The following DNAJC4 variants were observed in gnomAD, a reference collection of about 807,000 sequenced individuals.
The protein encoded by DNAJC4 is dnaJ homolog subfamily C member 4.
In DNAJC4, 26 loss-of-function variants were observed where a neutral mutation model predicts 26.8. That is an observed-to-expected ratio of 0.97 (90% CI 0.71 to 1.34). The LOEUF (loss-of-function observed/expected upper bound fraction) is 1.34, where lower values mean the gene tolerates loss of function less well. Among genes scored for constraint, DNAJC4 ranks in the 40% most tolerant of loss-of-function variants. The pLI is 0.00. For synonymous variants in DNAJC4, 134 were observed against 127.8 expected, an observed-to-expected ratio of 1.05 and a Z score of -0.33; for missense variants, 342 against 321.1, an observed-to-expected ratio of 1.07 and a Z score of -0.50.
Position 64,232,608 on chromosome 11 carries a change from C to A in DNAJC4, c.359C>A (p.Thr120Lys). ...GTCCATGACAAGTCTGCCCACCAAA[C>A]ACACAGGTACAGTAATCCTGCCCTC... ...TTVHDKSAHQ[T>K]HSSWTPPNAQ... is the part of the protein sequence containing the mutation. Residue 120 changes from threonine to lysine, a missense_variant, in exon 3 of 6, where the codon ACA (threonine) becomes AAA (lysine). By Grantham distance (78) the Thr-to-Lys change is moderately conservative (BLOSUM62 -1). Coordinates refer to ENST00000628077, the MANE Select transcript of DNAJC4 (RefSeq NM_005528.4). The A allele has an allele frequency of 6.3e-7, 1 of 1,593,728 alleles. No homozygotes were observed. The highest frequency in any genetic ancestry group is 8.6e-7 in the Non-Finnish European group (1 of 1,164,742).
rs1468639567 is a variant in DNAJC4, at chr11:64,231,852, T to C, written c.87-19T>C. On this transcript the variant is annotated intron_variant, in intron 1 of 5. Coordinates refer to ENST00000628077, the MANE Select transcript of DNAJC4 (RefSeq NM_005528.4). ...CTGGGTTCCTTCAGCCCCTGCAAGG[T>C]TTGGGACTCTGTCCACAGGTCCAGA... 1 of 1,613,434 alleles carries C rather than the reference T, an allele frequency of 6.2e-7. No homozygotes were observed.
Position 64,232,427 on chromosome 11 carries a change from C to A in DNAJC4, c.181-3C>A. 1.3e-6 allele frequency: 2 copies of A among 1,575,046 alleles called. No individual in the cohort carries two copies. The highest frequency in any genetic ancestry group is 1.7e-6 in the Non-Finnish European group (2 of 1,157,446). On this transcript the variant is annotated splice_region_variant and splice_polypyrimidine_tract_variant and intron_variant, in intron 2 of 5. Coordinates refer to ENST00000628077, the MANE Select transcript of DNAJC4 (RefSeq NM_005528.4). Reference sequence around the variant, plus strand: ...AGATAAGGGGAGTCCTGCCCCACCCCAGCTGCACCCAGACCGGGACCCTGG... The same window carrying A: ...AGATAAGGGGAGTCCTGCCCCACCCAAGCTGCACCCAGACCGGGACCCTGG...
chr11:64,230,562 T>G lies in DNAJC4; in HGVS notation c.-293T>G, dbSNP rs1213198810. 2 of 593,922 alleles carry G rather than the reference T, an allele frequency of 3.4e-6. No homozygotes were observed. The highest frequency in any genetic ancestry group is 3.2e-5 in the East Asian group (1 of 31,304). 36.8% of individuals were successfully genotyped at this position (593,922 alleles called of 1,614,324 possible). ...CTGGTTGTGGCCCCTCCTTCTCCCGTCCCCAAGTTCCCTGGGTGGGAACGG... is the reference window on the plus strand; with the variant it reads ...CTGGTTGTGGCCCCTCCTTCTCCCGGCCCCAAGTTCCCTGGGTGGGAACGG... On this transcript the variant is annotated 5_prime_UTR_variant, in exon 1 of 6. Coordinates refer to ENST00000628077, the MANE Select transcript of DNAJC4 (RefSeq NM_005528.4).
intron 4 of DNAJC4, 115 bp downstream of exon 4, chr11:64,232,980 C>A: frequency 1.6e-6 from 2 of 1,261,866 alleles, no homozygotes; most frequent in Non-Finnish European, 2.1e-6. Context: ...GTCTCTCAAG[C>A]TAAGAGCTGC....
chr11:64,233,810 A>G, intron 4 of DNAJC4, 84 bp from the exon 5 acceptor site: 1 of 1,536,948 alleles, frequency 6.5e-7, no homozygotes, highest in South Asian at 1.2e-5. Context: ...AAAAGCTGTG[A>G]GGCCCCTAGA....
In DNAJC4 at chr11:64,232,806, G is replaced by A. The variant is rs528015044; in HGVS notation, c.468G>A (p.Val156=). 6.8e-6 allele frequency: 11 copies of A among 1,613,242 alleles called. No homozygotes were observed. Among genetic ancestry groups the A allele is most frequent in the Non-Finnish European group, 9.3e-6 (11 of 1,179,630 alleles). The change falls in exon 4 of 6, where the codon GTG becomes GTA. Residue 156 remains valine, a synonymous_variant. Coordinates refer to ENST00000628077, the MANE Select transcript of DNAJC4 (RefSeq NM_005528.4). ...AGCAACACAAACAAAACAAACAAGTGCTGGGGTACTGCCTCCTCCTCATGC... is the reference window on the plus strand; with the variant it reads ...AGCAACACAAACAAAACAAACAAGTACTGGGGTACTGCCTCCTCCTCATGC... ...RQQQHKQNKQ[V]LGYCLLLMLA...
chr11:64,230,763 C>T lies in DNAJC4; in HGVS notation c.-92C>T, dbSNP rs1443533782. Reference sequence around the variant, plus strand: ...CCTTTGCAGAACAACGGGCCAGGCCCCTTCCCTCTGCCCCCGGGTGCTTGA... The same window carrying T: ...CCTTTGCAGAACAACGGGCCAGGCCTCTTCCCTCTGCCCCCGGGTGCTTGA... On this transcript the variant is annotated 5_prime_UTR_variant, in exon 1 of 6. Coordinates refer to ENST00000628077, the MANE Select transcript of DNAJC4 (RefSeq NM_005528.4). 4.0e-6 allele frequency: 6 copies of T among 1,498,758 alleles called. No individual in the cohort carries two copies. The highest frequency in any genetic ancestry group is 5.4e-6 in the Non-Finnish European group (6 of 1,108,950). 92.8% of individuals were successfully genotyped at this position (1,498,758 alleles called of 1,614,324 possible). A position where few individuals can be genotyped will look rare whatever the true frequency, so the allele number is the denominator to read the frequency against.
At chr11:64,233,824 G>T in intron 4 of DNAJC4, 70 bp from the exon 5 acceptor site, 2 of 1,574,808 alleles carry the variant, frequency 1.3e-6, no homozygotes, top group Non-Finnish European at 1.7e-6. Context: ...CCCTAGAGTG[G>T]GGTGGAAGGG....
chr11:64,234,047 AACC>A lies in DNAJC4; in HGVS notation c.615-22_615-20del, dbSNP rs1395619555. The A allele has an allele frequency of 3.7e-6, 6 of 1,613,612 alleles. No individual in the cohort carries two copies. Among genetic ancestry groups the A allele is most frequent in the Non-Finnish European group, 5.1e-6 (6 of 1,179,946 alleles). On this transcript the variant is annotated intron_variant, in intron 5 of 5. Coordinates refer to ENST00000628077, the MANE Select transcript of DNAJC4 (RefSeq NM_005528.4). This position sits in a 1 kb window ranked among gnomAD's most constrained non-coding sequence, Gnocchi z 5.3. ...AACCACACTTCGGGATCCCTATCCC[AACC>A]ACCCAGGTGCCCTCTCCTCCAGGGC...
rs939902489 is a variant in DNAJC4 at position 64,234,187 on chromosome 11, G to T, written c.*3G>T. 1.9e-6 allele frequency: 3 copies of T among 1,553,000 alleles called. No individual in the cohort carries two copies. The Admixed American group carries it at 5.8e-5, about 30-fold the overall frequency. On this transcript the variant is annotated 3_prime_UTR_variant, in exon 6 of 6. Transcript: ENST00000628077. The surrounding 1 kb of genome is among the most constrained non-coding windows in gnomAD (Gnocchi z 5.3). Reference sequence around the variant, plus strand: ...TGCCCCGGGGCGCCGGCCCCTGAGGGGCTCACCTGGATGGGGCCTGCAGTG... The same window carrying T: ...TGCCCCGGGGCGCCGGCCCCTGAGGTGCTCACCTGGATGGGGCCTGCAGTG...
At chr11:64,231,317 A>G in intron 1 of DNAJC4, 3 of 270,232 alleles carry the variant, frequency 1.1e-5, no homozygotes, top group Non-Finnish European at 2.1e-5. Context: ...GGTGGGGGTC[A>G]GGAATCAGTT....
Position 64,234,107 on chromosome 11 carries a change from C to CGGCTAG in DNAJC4, c.653_658dup (p.Leu218_Gly219dup). 2 of 1,607,444 alleles carry CGGCTAG rather than the reference C, an allele frequency of 1.2e-6. No homozygotes were observed. The highest frequency in any genetic ancestry group is 1.7e-6 in the Non-Finnish European group (2 of 1,178,192). On this transcript the variant is annotated inframe_insertion, in exon 6 of 6. Coordinates refer to ENST00000628077, the MANE Select transcript of DNAJC4 (RefSeq NM_005528.4). This position sits in a 1 kb window ranked among gnomAD's most constrained non-coding sequence, Gnocchi z 5.3. ...AGGCATCCTTCAGCAGGAGCGACAA[C>CGGCTAG]GGCTAGGGCAGCGGCAGCCGCCACC...
At position 64,230,630 on chromosome 11, in the gene DNAJC4, C is replaced by T; in HGVS notation, c.-225C>T. ...CTGGGTGGCCAGACCCCGAAGCCAG[C>T]GCTGGGAAGGGCTGCGGATGCCCGG... On this transcript the variant is annotated 5_prime_UTR_variant, in exon 1 of 6. Coordinates refer to ENST00000628077, the MANE Select transcript of DNAJC4 (RefSeq NM_005528.4). 1 of 654,856 alleles carries T rather than the reference C, an allele frequency of 1.5e-6. No individual in the cohort carries two copies. Among genetic ancestry groups the T allele is most frequent in the Non-Finnish European group, 2.6e-6 (1 of 378,202 alleles). 40.6% of individuals were successfully genotyped at this position (654,856 alleles called of 1,614,324 possible).
chr11:64,233,737 C>G, intron 4 of DNAJC4, 157 bp from the exon 5 acceptor site: 2 of 1,025,278 alleles, frequency 2.0e-6, no homozygotes, highest in South Asian at 1.6e-5. Context: ...CAGGGCCACT[C>G]TGAGCCCTCC....
intron 1 of DNAJC4, 130 bp downstream of exon 1, chr11:64,231,070 C>A: frequency 8.3e-7 from 1 of 1,198,960 alleles, no homozygotes; most frequent in Non-Finnish European, 1.2e-6. Context: ...CTCGCCTTCC[C>A]TGCTGAGGAT....
intron 2 of DNAJC4, 125 bp downstream of exon 2, chr11:64,232,089 G>C: frequency 1.0e-6 from 1 of 965,010 alleles, no homozygotes; most frequent in South Asian, 1.4e-5. Context: ...CTCATAGGGA[G>C]TGGCAGGTGC....
Position 64,230,902 on chromosome 11 carries a change from C to A in DNAJC4, c.48C>A (p.Asn16Lys). The A allele has an allele frequency of 6.3e-7, 1 of 1,588,712 alleles. No homozygotes were observed. The highest frequency in any genetic ancestry group is 8.5e-7 in the Non-Finnish European group (1 of 1,171,860). Reference protein sequence around the residue: ...PLRLCRLWPRNPPSRLLGAAA... With the variant: ...PLRLCRLWPRKPPSRLLGAAA... ...GCCTGTGCCGGCTGTGGCCCCGCAA[C>A]CCTCCCTCCCGGCTCCTCGGAGCGG... is the stretch of plus-strand genomic sequence containing the variant. Residue 16 changes from asparagine to lysine, a missense_variant, in exon 1 of 6, where the codon AAC becomes AAA. Asn to Lys is a moderately conservative substitution (Grantham distance 94). Coordinates refer to ENST00000628077, the MANE Select transcript of DNAJC4 (RefSeq NM_005528.4).
chr11:64,233,706 G>A, intron 4 of DNAJC4, 188 bp from the exon 5 acceptor site: 1 of 697,364 alleles, frequency 1.4e-6, no homozygotes, highest in Non-Finnish European at 2.3e-6. Flanking sequence ...GACTTCGGAT[G>A]CCATTGGACC....
In DNAJC4 at chr11:64,234,266, T is replaced by A; in HGVS notation, c.*82T>A. Reference sequence around the variant, plus strand: ...GGCCCGCTCCCCGAAACGCGCGCAATAAAGTGATTCGCAGAGCTCGTGTCC... The same window carrying A: ...GGCCCGCTCCCCGAAACGCGCGCAAAAAAGTGATTCGCAGAGCTCGTGTCC... On this transcript the variant is annotated 3_prime_UTR_variant, in exon 6 of 6. Transcript: ENST00000628077. This position sits in a 1 kb window ranked among gnomAD's most constrained non-coding sequence, Gnocchi z 5.3. The A allele has an allele frequency of 6.8e-7, 1 of 1,464,944 alleles. No homozygotes were observed. The highest frequency in any genetic ancestry group is 9.1e-7 in the Non-Finnish European group (1 of 1,097,422). The allele number at this position is 1,464,944 out of a possible 1,614,324, so 90.7% of individuals were successfully genotyped here. A position where few individuals can be genotyped will look rare whatever the true frequency, so the allele number is the denominator to read the frequency against.
Sources: allele counts gnomAD v4.1 joint callset, GRCh38; gene constraint gnomAD v4.1.1; non-coding constraint Gnocchi (gnomAD v3.1); transcripts MANE v1.5; gene names NCBI Gene and HGNC (gene_info 2026-07-23, HGNC 2026-07-21).